The following TMEM135 variants were observed in gnomAD, a reference collection of about 807,000 sequenced individuals.
TMEM135 encodes peroxisomal membrane protein 52.
Under a neutral mutation model 60.3 loss-of-function variants are expected in TMEM135, and 30 were observed. The ratio of observed to expected loss-of-function variants is 0.50; its 90% CI spans 0.37 to 0.68. The LOEUF is 0.68. TMEM135 is among the 30% of genes least tolerant of loss of function. The probability of loss-of-function intolerance (pLI) is 0.00; values close to 1 mark genes in which losing one functional copy is unlikely to be tolerated. For synonymous variants in TMEM135, 190 were observed against 186.7 expected (o/e 1.02, Z -0.14); for missense variants, 468 against 548.8 (o/e 0.85, Z 1.47).
intron 5 of TMEM135, among the ~76,000 whole-genome samples, chr11:87,208,015 C>T (rs191816892): frequency 1.3e-5 from 2 of 152,108 alleles, no homozygotes; most frequent in Admixed American, 6.5e-5. Context: ...TTCAACTATA[C>T]CCAACTTGTG....
chr11:87,283,410 G>A (rs1248747196), intron 6 of TMEM135, among the ~76,000 whole-genome samples: 1 of 151,944 alleles, frequency 6.6e-6, no homozygotes, highest in African/African-American at 2.4e-5. Flanking sequence ...TCCATTACTA[G>A]GAGATGCATA....
intron 3 of TMEM135, among the ~76,000 whole-genome samples, chr11:87,075,153 T>A (rs1283093404): frequency 1.3e-5 from 2 of 152,154 alleles, no homozygotes; most frequent in African/African-American, 4.8e-5. Context: ...TTTTATTTTT[T>A]AATTTAATTA....
At chr11:87,254,475 G>T (rs1007145449) in intron 6 of TMEM135, among the ~76,000 whole-genome samples, 3 of 152,050 alleles carry the variant, frequency 2.0e-5, no homozygotes, top group African/African-American at 7.2e-5. Flanking sequence ...TTTTAAATTT[G>T]TCATGGATAA....
intron 3 of TMEM135, among the ~76,000 whole-genome samples, chr11:87,087,803 C>A (rs1324916996): frequency 6.6e-6 from 1 of 151,998 alleles, no homozygotes; most frequent in Non-Finnish European, 1.5e-5. Context: ...ATGGTGCGAT[C>A]TTGGCCCACT....
chr11:87,248,015 CTTT>C (rs745911039), intron 6 of TMEM135, among the ~76,000 whole-genome samples: 5 of 148,196 alleles, frequency 3.4e-5, no homozygotes, highest in South Asian at 2.1e-4. Flanking sequence ...GCTTGATAGC[CTTT>C]TTAAAAAAAA....
intron 11 of TMEM135, 123 bp downstream of exon 11, chr11:87,313,611 A>C: frequency 1.2e-6 from 1 of 862,828 alleles, no homozygotes; most frequent in South Asian, 1.5e-5. Context: ...ATAGAATTCC[A>C]GTTGAGGCAC....
intron 9 of TMEM135, among the ~76,000 whole-genome samples, chr11:87,307,022 T>A (rs1447119078): frequency 6.6e-6 from 1 of 152,116 alleles, no homozygotes; most frequent in Non-Finnish European, 1.5e-5. Flanking sequence ...CCCGGCCAAG[T>A]TCCTTTATTT....
Position 87,092,361 on chromosome 11 carries a change from G to A in TMEM135, c.396+966G>A, listed in dbSNP as rs369371496. 1.5e-4 allele frequency among the ~76,000 whole-genome samples: 23 copies of A among 152,264 alleles called. No homozygotes were observed. In the East Asian group the frequency reaches 4.2e-3, roughly 28 times the overall value. ...GTGCGGTTGGGTCAGAGAAAAGTGGGTGTAACCCCTTTTGAGTCATAGACC... is the reference window on the plus strand; with the variant it reads ...GTGCGGTTGGGTCAGAGAAAAGTGGATGTAACCCCTTTTGAGTCATAGACC... On this transcript the variant is annotated intron_variant, in intron 4 of 14. Transcript: ENST00000305494.
chr11:87,318,303 A>G (rs2134535113), intron 13 of TMEM135, 68 bp downstream of exon 13: 1 of 1,089,792 alleles, frequency 9.2e-7, no homozygotes, highest in Non-Finnish European at 1.4e-6. Context: ...ATCAAATGGG[A>G]GAGAAACAAA....
At position 87,321,371 on chromosome 11, in the gene TMEM135, T is replaced by C. The variant is rs1035864928; in HGVS notation, c.*38T>C. ...CTTATTAATGTGACTAAATGTTTCA[T>C]CTTGAAGAGTTAATTATGTTGAACA... On this transcript the variant is annotated 3_prime_UTR_variant, in exon 15 of 15. Coordinates refer to ENST00000305494, the MANE Select transcript of TMEM135 (RefSeq NM_022918.4). 2 of 1,611,216 alleles carry C rather than the reference T, an allele frequency of 1.2e-6. No homozygotes were observed. Among genetic ancestry groups the C allele is most frequent in the African/African-American group, 1.3e-5 (1 of 74,976 alleles).
chr11:87,232,031 A>G lies in TMEM135; in HGVS notation c.463-4607A>G, dbSNP rs1014157268. Among the ~76,000 whole-genome samples the G allele has an allele frequency of 3.3e-5, 5 of 152,002 alleles. No individual in the cohort carries two copies. In the East Asian group the frequency reaches 5.8e-4, roughly 18 times the overall value. On this transcript the variant is annotated intron_variant, in intron 5 of 14. Coordinates refer to ENST00000305494, the MANE Select transcript of TMEM135 (RefSeq NM_022918.4). ...CAGTGGTGCAATCTCACTCACTGCA[A>G]CCTCTGTTTCCTGGGTTCAAGCAAT...
chr11:87,311,940 G>A (rs1249988494), intron 10 of TMEM135, among the ~76,000 whole-genome samples: 4 of 151,658 alleles, frequency 2.6e-5, no homozygotes, highest in African/African-American at 9.7e-5. Context: ...ATGTTATAAT[G>A]TTTCCATTCT....
intron 4 of TMEM135, among the ~76,000 whole-genome samples, chr11:87,147,123 GC>G (rs1938436775): frequency 6.6e-6 from 1 of 151,966 alleles, no homozygotes; most frequent in Non-Finnish European, 1.5e-5. Flanking sequence ...GGAGTTCAAG[GC>G]CAGCCTGGCC....
At chr11:87,134,689 T>C (rs1278363509) in intron 4 of TMEM135, among the ~76,000 whole-genome samples, 1 of 152,216 alleles carries the variant, frequency 6.6e-6, no homozygotes, top group Non-Finnish European at 1.5e-5. Context: ...TCTCACTATG[T>C]TGCCCAGTCT....
chr11:87,060,154 C>T (rs1177729266), intron 1 of TMEM135, among the ~76,000 whole-genome samples: 6 of 152,154 alleles, frequency 3.9e-5, no homozygotes, highest in African/African-American at 1.4e-4. Flanking sequence ...AGATCTTGGA[C>T]AAGGAAGAGG....
At chr11:87,152,228 G>A (rs2135260708) in intron 4 of TMEM135, among the ~76,000 whole-genome samples, 1 of 152,028 alleles carries the variant, frequency 6.6e-6, no homozygotes, top group African/African-American at 2.4e-5. Flanking sequence ...TATTTTTTGT[G>A]TTCTGTCTGT....
intron 4 of TMEM135, among the ~76,000 whole-genome samples, chr11:87,125,497 G>A (rs997136225): frequency 6.6e-5 from 10 of 152,140 alleles, no homozygotes; most frequent in African/African-American, 1.9e-4. Context: ...TAAGTAAACA[G>A]GTCCCAAGAT....
intron 5 of TMEM135, among the ~76,000 whole-genome samples, chr11:87,181,626 C>T (rs1939517923): frequency 6.6e-6 from 1 of 152,068 alleles, no homozygotes; most frequent in Non-Finnish European, 1.5e-5. Context: ...AGGGAATTTT[C>T]TGAGTGATGA....
intron 4 of TMEM135, among the ~76,000 whole-genome samples, chr11:87,092,081 C>T (rs1343259610): frequency 6.6e-6 from 1 of 152,018 alleles, no homozygotes; most frequent in Non-Finnish European, 1.5e-5. Flanking sequence ...AGGTTTAGTT[C>T]TTGAATTCTG....
Sources: gnomAD v4.1 joint callset for allele counts (sites outside exome capture counted in the v4.1 genomes callset) on GRCh38, gnomAD v4.1.1 for gene constraint, MANE v1.5 for transcripts, NCBI Gene and HGNC (gene_info 2026-07-23, HGNC 2026-07-21) for gene names.